The following GTF3C4 variants were observed in gnomAD, a reference collection of about 807,000 sequenced individuals.
GTF3C4 encodes the protein general transcription factor IIIC subunit 4.
In GTF3C4, 28 loss-of-function variants were observed where a neutral mutation model predicts 67.5. The observed-to-expected ratio is 0.41, with a 90% CI of 0.31 to 0.57. The LOEUF (loss-of-function observed/expected upper bound fraction) is 0.57. Among genes scored for constraint, GTF3C4 ranks in the 20% least tolerant of loss-of-function variants. The probability of loss-of-function intolerance (pLI) is 0.21; values close to 1 mark genes in which losing one functional copy is unlikely to be tolerated. For synonymous variants in GTF3C4, 409 were observed against 393.0 expected, an observed-to-expected ratio of 1.04 and a Z score of -0.48; for missense variants, 831 against 1,033.2, an observed-to-expected ratio of 0.80 and a Z score of 2.68.
chr9:132,685,342 T>C (rs889805922), intron 3 of GTF3C4, among the ~76,000 whole-genome samples: 6 of 152,144 alleles, frequency 3.9e-5, no homozygotes, highest in Non-Finnish European at 7.4e-5. Context: ...AAGATTGTGC[T>C]ACACGTACCA....
chr9:132,670,296 CT>C, upstream of GTF3C4: 2 of 1,504,334 alleles, frequency 1.3e-6, no homozygotes, highest in Non-Finnish European at 8.9e-7. Flanking sequence ...TTCCTCAGCA[CT>C]TTAGGAACTA....
At chr9:132,670,379 G>T, upstream of GTF3C4, 1 of 1,211,218 alleles carries the variant, frequency 8.3e-7, no homozygotes. Context: ...GGTCCTCGGG[G>T]CTCCCCGCTC....
At chr9:132,684,158 C>T (rs752470962) in intron 3 of GTF3C4, among the ~76,000 whole-genome samples, 9 of 152,194 alleles carry the variant, frequency 5.9e-5, no homozygotes, top group Non-Finnish European at 1.3e-4. Context: ...AGCTGTCTGT[C>T]TTTCTGCCTG....
chr9:132,693,555 T>C lies in GTF3C4; in HGVS notation c.*4610T>C, dbSNP rs1836151091. Reference sequence around the variant, plus strand: ...TATAGGCTAAGTGAAATACTGTAAATGGGTTGGTTAGAATTAAAGTTTAGA... The same window carrying C: ...TATAGGCTAAGTGAAATACTGTAAACGGGTTGGTTAGAATTAAAGTTTAGA... On this transcript the variant is annotated 3_prime_UTR_variant, in exon 5 of 5. Transcript: ENST00000372146. The C allele has an allele frequency of 6.6e-6, 1 of 152,166 alleles. No homozygotes were observed. Among genetic ancestry groups the C allele is most frequent in the Non-Finnish European group, 1.5e-5 (1 of 68,024 alleles). 9.4% of individuals were successfully genotyped at this position (152,166 alleles called of 1,614,324 possible). A position where few individuals can be genotyped will look rare whatever the true frequency, so the allele number is the denominator to read the frequency against.
At position 132,679,454 on chromosome 9, in the gene GTF3C4, C is replaced by T. The variant is rs1835909507; in HGVS notation, c.1835C>T (p.Pro612Leu). Residue 612 changes from proline to leucine, a missense_variant, in exon 2 of 5, where the codon CCT (proline) becomes CTT (leucine). By Grantham distance (98) the Pro-to-Leu change is moderately conservative (BLOSUM62 -3). This residue lies in a region of GTF3C4 where 75 missense variants were observed against 66.4 expected (regional missense o/e 1.13). Coordinates refer to ENST00000372146, the MANE Select transcript of GTF3C4 (RefSeq NM_012204.4). The surrounding 1 kb of genome is among the most constrained non-coding windows in gnomAD (Gnocchi z 5.9). ...EDSKILLVDS[P>L]GMGNADDEQQ... Reference sequence around the variant, plus strand: ...TCAAAAATCTTACTAGTGGATTCGCCTGGGATGGGCAATGCTGACGATGAA... The same window carrying T: ...TCAAAAATCTTACTAGTGGATTCGCTTGGGATGGGCAATGCTGACGATGAA... 1.9e-6 allele frequency: 3 copies of T among 1,614,090 alleles called. No homozygotes were observed. The East Asian group carries it at 6.7e-5, about 36-fold the overall frequency.
At chr9:132,681,550 T>A (rs943327620) in intron 2 of GTF3C4, among the ~76,000 whole-genome samples, 3 of 152,192 alleles carry the variant, frequency 2.0e-5, no homozygotes, top group African/African-American at 4.8e-5. Context: ...TTAACCTTTT[T>A]AAATTATCAC....
At chr9:132,674,573 T>C (rs562085676) in intron 1 of GTF3C4, among the ~76,000 whole-genome samples, 29 of 152,358 alleles carry the variant, frequency 1.9e-4, no homozygotes, top group African/African-American at 7.0e-4. Context: ...ACTTCTACAG[T>C]AGCTTTTATT....
chr9:132,675,456 T>A lies in GTF3C4; in HGVS notation c.358-2521T>A, dbSNP rs1590132858. Among the ~76,000 whole-genome samples the A allele has an allele frequency of 2.0e-5, 3 of 152,206 alleles. No individual in the cohort carries two copies. The East Asian group carries it at 5.8e-4, about 29-fold the overall frequency. On this transcript the variant is annotated intron_variant, in intron 1 of 4. Coordinates refer to ENST00000372146, the MANE Select transcript of GTF3C4 (RefSeq NM_012204.4). ...GTGTATCCAAGAGACTACTTTAAAA[T>A]GCCTTCCTAAAATCAAGATACACTG...
chr9:132,678,741 C>A lies in GTF3C4; in HGVS notation c.1122C>A (p.Ile374=). The change falls in exon 2 of 5, where the codon ATC becomes ATA. Residue 374 remains isoleucine, a synonymous_variant. Coordinates refer to ENST00000372146, the MANE Select transcript of GTF3C4 (RefSeq NM_012204.4). This position sits in a 1 kb window ranked among gnomAD's most constrained non-coding sequence, Gnocchi z 6.5. ...KEMDQLPVHS[I]KCVPLYHPYQ... ...TGGACCAGTTACCTGTGCACAGTAT[C>A]AAATGTGTGCCACTTTATCATCCTT... 6.2e-7 allele frequency: 1 copy of A among 1,613,968 alleles called. No homozygotes were observed. The highest frequency in any genetic ancestry group is 1.1e-5 in the South Asian group (1 of 91,076).
At chr9:132,673,716 G>A (rs1835823842) in intron 1 of GTF3C4, among the ~76,000 whole-genome samples, 1 of 152,098 alleles carries the variant, frequency 6.6e-6, no homozygotes, top group Non-Finnish European at 1.5e-5. Flanking sequence ...TAGAAAGCTA[G>A]GTACTAAACA....
At chr9:132,670,454 C>T (rs1265723729), upstream of GTF3C4, 5 of 941,492 alleles carry the variant, frequency 5.3e-6, no homozygotes, top group Admixed American at 1.5e-4. Context: ...CTGGCAACGG[C>T]GGGGTCCTTC....
chr9:132,679,042 G>T lies in GTF3C4; in HGVS notation c.1423G>T (p.Val475Leu). The change falls in exon 2 of 5, where the codon GTG becomes TTG. Residue 475 changes from valine (V) to leucine (L), a missense_variant. Physicochemically the swap from Val to Leu is conservative, Grantham distance 32. Around this residue, in one of 4 missense-constraint regions of GTF3C4, gnomAD observed 390 missense variants for 540.3 expected, o/e 0.72. Coordinates refer to ENST00000372146, the MANE Select transcript of GTF3C4 (RefSeq NM_012204.4). This position sits in a 1 kb window ranked among gnomAD's most constrained non-coding sequence, Gnocchi z 5.9. ...LIKLSDVFGS[V>L]RTHGIAVSPC... Reference sequence around the variant, plus strand: ...TAAACTCTCAGATGTGTTTGGCTCAGTGAGGACTCACGGGATAGCAGTGAG... The same window carrying T: ...TAAACTCTCAGATGTGTTTGGCTCATTGAGGACTCACGGGATAGCAGTGAG... 6.8e-6 allele frequency: 11 copies of T among 1,614,184 alleles called. No homozygotes were observed. Among genetic ancestry groups the T allele is most frequent in the Admixed American group, 1.7e-5 (1 of 60,032 alleles).
chr9:132,679,090 A>G lies in GTF3C4; in HGVS notation c.1471A>G (p.Ile491Val). 1 of 1,614,206 alleles carries G rather than the reference A, an allele frequency of 6.2e-7. No homozygotes were observed. Among genetic ancestry groups the G allele is most frequent in the Non-Finnish European group, 8.5e-7 (1 of 1,180,030 alleles). Residue 491 changes from isoleucine to valine, a missense_variant, in exon 2 of 5, where the codon ATC becomes GTC. Transcript: ENST00000372146. This position sits in a 1 kb window ranked among gnomAD's most constrained non-coding sequence, Gnocchi z 5.9. ...GAGCCCCTGCGGTGCATACCTGGCC[A>G]TCATCACCACTGAGGGCATGATCAA... Reference protein sequence around the residue: ...AVSPCGAYLAIITTEGMINGL... With the variant: ...AVSPCGAYLAVITTEGMINGL...
chr9:132,670,834 C>T lies in GTF3C4; in HGVS notation c.236C>T (p.Ser79Phe). ...GCTTGGTCCGAGGACCACCGCGTGT[C>T]TGTGTCCACGGCCCGCAGCATCGCT... Reference protein sequence around the residue: ...PLAWSEDHRVSVSTARSIAVL... With the variant: ...PLAWSEDHRVFVSTARSIAVL... Residue 79 changes from serine (S) to phenylalanine (F), a missense_variant, in exon 1 of 5, where the codon TCT becomes TTT. Physicochemically the swap from Ser to Phe is radical, Grantham distance 155. Transcript: ENST00000372146. The T allele has an allele frequency of 6.2e-7, 1 of 1,609,994 alleles. No homozygotes were observed. The highest frequency in any genetic ancestry group is 1.3e-5 in the African/African-American group (1 of 75,034).
intron 4 of GTF3C4, 48 bp downstream of exon 4, chr9:132,687,375 G>A (rs764857168): frequency 3.0e-6 from 3 of 1,009,264 alleles, no homozygotes; most frequent in East Asian, 2.4e-5. Context: ...GAACATGCTG[G>A]CAGAGGGCCA....
chr9:132,670,360 G>A, upstream of GTF3C4: 1 of 1,335,388 alleles, frequency 7.5e-7, no homozygotes, highest in South Asian at 1.8e-5. Context: ...CCCTGGGCAG[G>A]GAAAAGGGGG....
At chr9:132,672,777 T>C (rs1835804025) in intron 1 of GTF3C4, among the ~76,000 whole-genome samples, 1 of 152,210 alleles carries the variant, frequency 6.6e-6, no homozygotes, top group African/African-American at 2.4e-5. Flanking sequence ...TGGCACAAGA[T>C]AGGCCTATCT....
At position 132,690,769 on chromosome 9, in the gene GTF3C4, C is replaced by T. The variant is rs113692716; in HGVS notation, c.*1824C>T. 2.0e-5 allele frequency: 3 copies of T among 152,272 alleles called. No individual in the cohort carries two copies. Among genetic ancestry groups the T allele is most frequent in the African/African-American group, 7.2e-5 (3 of 41,572 alleles). 9.4% of individuals were successfully genotyped at this position (152,272 alleles called of 1,614,324 possible). A position where few individuals can be genotyped will look rare whatever the true frequency, so the allele number is the denominator to read the frequency against. Reference sequence around the variant, plus strand: ...GTATGGTGGAAGTCATTTGTGTCTGCAGCTGTTTTTTCACTTTACAATAAA... The same window carrying T: ...GTATGGTGGAAGTCATTTGTGTCTGTAGCTGTTTTTTCACTTTACAATAAA... On this transcript the variant is annotated 3_prime_UTR_variant, in exon 5 of 5. Coordinates refer to ENST00000372146, the MANE Select transcript of GTF3C4 (RefSeq NM_012204.4).
Position 132,674,666 on chromosome 9 carries a change from T to G in GTF3C4, c.358-3311T>G, listed in dbSNP as rs146979881. On this transcript the variant is annotated intron_variant, in intron 1 of 4. Coordinates refer to ENST00000372146, the MANE Select transcript of GTF3C4 (RefSeq NM_012204.4). Reference sequence around the variant, plus strand: ...TGATGAACAATTTTATATCTACCTTTCATTTGGTACACAACTTTATGTCTA... The same window carrying G: ...TGATGAACAATTTTATATCTACCTTGCATTTGGTACACAACTTTATGTCTA... 3.5e-3 allele frequency among the ~76,000 whole-genome samples: 536 copies of G among 152,388 alleles called. 2 individuals carry two copies. The highest frequency in any genetic ancestry group is 0.012 in the African/African-American group (482 of 41,588).
Sources: gnomAD v4.1 joint callset for allele counts (sites outside exome capture counted in the v4.1 genomes callset) on GRCh38, gnomAD v4.1.1 for gene constraint, gnomAD v4.1.1 regional missense constraint, Gnocchi (gnomAD v3.1) non-coding constraint, MANE v1.5 for transcripts, NCBI Gene and HGNC (gene_info 2026-07-23, HGNC 2026-07-21) for gene names.